NSUN7: variants seen among roughly 807,000 people sequenced by gnomAD.
NSUN7 encodes the protein NOP2/Sun RNA methyltransferase family member 7.
Under a neutral mutation model 58.5 loss-of-function variants are expected in NSUN7, and 39 were observed. The observed-to-expected ratio is 0.67, with a 90% CI of 0.52 to 0.87. The LOEUF (loss-of-function observed/expected upper bound fraction) is 0.87, where lower values mean the gene tolerates loss of function less well. NSUN7 is among the 40% of genes least tolerant of loss of function. NSUN7 has a pLI of 0.00. For missense variants in NSUN7, 765 were observed against 844.1 expected, an observed-to-expected ratio of 0.91 and a Z score of 1.16; for synonymous variants, 278 against 303.7, an observed-to-expected ratio of 0.92 and a Z score of 0.88.
intron 7 of NSUN7, chr4:40,786,543 T>C (rs1742831042): frequency 2.5e-6 from 4 of 1,613,344 alleles, no homozygotes; most frequent in Non-Finnish European, 1.7e-6. Context: ...CATTGTCTCT[T>C]TCAGAAATTG....
At chr4:40,779,143 G>A (rs886680862) in intron 7 of NSUN7, among the ~76,000 whole-genome samples, 3 of 151,910 alleles carry the variant, frequency 2.0e-5, no homozygotes, top group Non-Finnish European at 4.4e-5. Context: ...AACACAGTGA[G>A]ACACTGTCTC....
At chr4:40,770,228 A>G (rs1177655261) in intron 4 of NSUN7, among the ~76,000 whole-genome samples, 2 of 151,526 alleles carry the variant, frequency 1.3e-5, no homozygotes. Flanking sequence ...AAAAAAAAAA[A>G]AGAAATTGCA....
At chr4:40,783,022 C>T (rs1273683739) in intron 7 of NSUN7, among the ~76,000 whole-genome samples, 1 of 152,060 alleles carries the variant, frequency 6.6e-6, no homozygotes, top group Non-Finnish European at 1.5e-5. Context: ...CACACTGTTC[C>T]TAAAATTCAC....
chr4:40,758,221 G>A (rs1251045687), intron 2 of NSUN7, among the ~76,000 whole-genome samples: 6 of 151,948 alleles, frequency 3.9e-5, no homozygotes, highest in African/African-American at 1.4e-4. Context: ...CACCCGGCCA[G>A]CTTTTTCTAT....
intron 4 of NSUN7, among the ~76,000 whole-genome samples, chr4:40,764,218 C>T (rs1741600091): frequency 9.9e-6 from 1 of 101,334 alleles, no homozygotes; most frequent in African/African-American, 3.9e-5. Context: ...CTAATGCTAT[C>T]CCTCCCCCCT....
intron 8 of NSUN7, among the ~76,000 whole-genome samples, chr4:40,792,753 TA>T (rs747209555): frequency 1.1e-3 from 108 of 99,354 alleles, no homozygotes; most frequent in Middle Eastern, 4.5e-3. Flanking sequence ...CCATCTCATT[TA>T]AAAAAAAAAA....
At chr4:40,781,612 A>AT (rs550350311) in intron 7 of NSUN7, among the ~76,000 whole-genome samples, 26 of 152,020 alleles carry the variant, frequency 1.7e-4, no homozygotes, top group South Asian at 8.3e-4. Flanking sequence ...CACCTGGCTA[A>AT]TTTTTTTATT....
intron 4 of NSUN7, among the ~76,000 whole-genome samples, chr4:40,765,022 T>C (rs1258217146): frequency 1.1e-4 from 16 of 148,618 alleles, no homozygotes; most frequent in African/African-American, 2.0e-4. Flanking sequence ...TTCTCCCATT[T>C]TGTAGGTTGC....
chr4:40,751,831 A>G (rs1740850790), intron 2 of NSUN7, among the ~76,000 whole-genome samples: 1 of 152,024 alleles, frequency 6.6e-6, no homozygotes, highest in Admixed American at 6.6e-5. Flanking sequence ...CCTCTCTACA[A>G]AAAAAAATTT....
intron 1 of NSUN7, 144 bp downstream of exon 1, chr4:40,750,444 CTTTTTTT>C: frequency 3.7e-6 from 1 of 270,608 alleles, no homozygotes. Flanking sequence ...CCCCTCCTCG[CTTTTTTT>C]TTTTTTTTTG....
At position 40,807,746 on chromosome 4, in the gene NSUN7, T is replaced by C. The variant is rs376921926; in HGVS notation, c.1525-561T>C. ...AACATCTAGTGCATCTTCCCTCATA[T>C]GTAAGAAATAAGCAGCCAGGCATGG... On this transcript the variant is annotated intron_variant, in intron 11 of 11. Coordinates refer to ENST00000381782, the MANE Select transcript of NSUN7 (RefSeq NM_024677.6). 2.2e-4 allele frequency among the ~76,000 whole-genome samples: 34 copies of C among 152,154 alleles called. No individual in the cohort carries two copies. The East Asian group carries it at 5.4e-3, about 24-fold the overall frequency.
At chr4:40,805,497 A>C (rs753283672) in intron 10 of NSUN7, among the ~76,000 whole-genome samples, 15 of 152,094 alleles carry the variant, frequency 9.9e-5, no homozygotes, top group Non-Finnish European at 1.8e-4. Flanking sequence ...CCTGATTTCA[A>C]AGGTCATGTG....
chr4:40,774,569 A>G, intron 5 of NSUN7, 152 bp downstream of exon 5: 1 of 786,122 alleles, frequency 1.3e-6, no homozygotes, highest in Non-Finnish European at 2.0e-6. Context: ...TGACCAAATT[A>G]CCAAAGGTAA....
At chr4:40,764,550 G>A (rs796386551) in intron 4 of NSUN7, among the ~76,000 whole-genome samples, 1 of 152,116 alleles carries the variant, frequency 6.6e-6, no homozygotes, top group Non-Finnish European at 1.5e-5. Flanking sequence ...ACATGTGCAT[G>A]TGTCTTTATA....
In NSUN7 at chr4:40,775,966, T is replaced by C. The variant is rs918313081; in HGVS notation, c.826-83T>C. On this transcript the variant is annotated intron_variant, in intron 6 of 11. Coordinates refer to ENST00000381782, the MANE Select transcript of NSUN7 (RefSeq NM_024677.6). This position sits in a 1 kb window ranked among gnomAD's most constrained non-coding sequence, Gnocchi z 4.3. ...GGTCTCTAATATTACTATGAGGTAC[T>C]TTCTTTTATGTAAAGCAAATAGAAG... 3 of 844,380 alleles carry C rather than the reference T, an allele frequency of 3.6e-6. No individual in the cohort carries two copies. In the African/African-American group the frequency reaches 5.2e-5, roughly 15 times the overall value. The allele number at this position is 844,380 out of a possible 1,614,324, so 52.3% of individuals were successfully genotyped here. A position where few individuals can be genotyped will look rare whatever the true frequency, so the allele number is the denominator to read the frequency against.
At position 40,780,868 on chromosome 4, in the gene NSUN7, G is replaced by C. The variant is rs1198399745; in HGVS notation, c.1036+4609G>C. ...GGTGTCTCGCTCTGTCGCCCAGGCT[G>C]GAGTGCAGTGGCATGATCTCGACTC... On this transcript the variant is annotated intron_variant, in intron 7 of 11. Transcript: ENST00000381782. Among the ~76,000 whole-genome samples the C allele has an allele frequency of 5.1e-4, 67 of 131,278 alleles. No homozygotes were observed. The Admixed American group carries it at 5.8e-3, about 11-fold the overall frequency. The allele number at this position is 131,278 out of a possible 152,430, so 86.1% of individuals were successfully genotyped here.
chr4:40,778,529 T>A (rs563363585), intron 7 of NSUN7, among the ~76,000 whole-genome samples: 1 of 152,314 alleles, frequency 6.6e-6, no homozygotes, highest in South Asian at 2.1e-4. Flanking sequence ...GGTAGCCCCC[T>A]TTCACCATCT....
chr4:40,801,061 AAGGG>A (rs902727494), intron 10 of NSUN7, among the ~76,000 whole-genome samples: 7 of 139,274 alleles, frequency 5.0e-5, no homozygotes, highest in South Asian at 2.6e-4. Flanking sequence ...GGGAGGAAAG[AAGGG>A]AGGGAGGGAG....
rs1409980350 is a variant in NSUN7, at chr4:40,800,012, A to G, written c.1400+1108A>G. On this transcript the variant is annotated intron_variant, in intron 10 of 11. Coordinates refer to ENST00000381782, the MANE Select transcript of NSUN7 (RefSeq NM_024677.6). Reference sequence around the variant, plus strand: ...CTCTTATATATAATTGTTCTTAACAATTTGATTTATAGTCTTCTAGATTTT... The same window carrying G: ...CTCTTATATATAATTGTTCTTAACAGTTTGATTTATAGTCTTCTAGATTTT... Among the ~76,000 whole-genome samples, 3 of 152,208 alleles carry G rather than the reference A, an allele frequency of 2.0e-5. No individual in the cohort carries two copies. The East Asian group carries it at 5.8e-4, about 29-fold the overall frequency.
Sources: gnomAD v4.1 joint callset for allele counts (sites outside exome capture counted in the v4.1 genomes callset) on GRCh38, gnomAD v4.1.1 for gene constraint, Gnocchi (gnomAD v3.1) non-coding constraint, MANE v1.5 for transcripts, NCBI Gene and HGNC (gene_info 2026-07-23, HGNC 2026-07-21) for gene names.